DEPTOR: variants seen among roughly 807,000 people sequenced by gnomAD.
DEPTOR encodes the protein DEP domain containing MTOR interacting protein.
In DEPTOR, 41 loss-of-function variants were observed where a neutral mutation model predicts 41.6. That is an observed-to-expected ratio of 0.98 (90% CI 0.77 to 1.28). The LOEUF is 1.28. Ranked by LOEUF, DEPTOR falls within the 50% of genes most tolerant of loss-of-function variation. DEPTOR has a pLI of 0.00. For missense variants in DEPTOR, 514 were observed against 527.9 expected (o/e 0.97, Z 0.26); for synonymous variants, 195 against 192.3 (o/e 1.01, Z -0.12).
chr8:120,019,919 C>G (rs1316975063), intron 8 of DEPTOR, among the ~76,000 whole-genome samples: 1 of 152,082 alleles, frequency 6.6e-6, no homozygotes, highest in Non-Finnish European at 1.5e-5. Flanking sequence ...AAGTCACTGC[C>G]ACACTGCTCG....
intron 8 of DEPTOR, among the ~76,000 whole-genome samples, chr8:120,012,525 CTTTGTT>C (rs909016375): frequency 1.3e-5 from 2 of 151,746 alleles, no homozygotes; most frequent in East Asian, 1.9e-4. Flanking sequence ...TTAAAGCATT[CTTTGTT>C]TTTGTTTTTG....
intron 1 of DEPTOR, among the ~76,000 whole-genome samples, chr8:119,889,657 AGG>A (rs1827425198): frequency 1.5e-4 from 2 of 13,244 alleles, no homozygotes; most frequent in Non-Finnish European, 2.9e-4. Flanking sequence ...GAGGATGGGG[AGG>A]GGAGGGGAGG....
intron 1 of DEPTOR, among the ~76,000 whole-genome samples, chr8:119,887,142 C>G (rs1586598542): frequency 1.5e-5 from 1 of 68,118 alleles, no homozygotes; most frequent in Non-Finnish European, 3.0e-5. Context: ...CCCCCCTCCC[C>G]TCCTCCCCTC....
chr8:119,990,137 A>G (rs1331114140), intron 4 of DEPTOR, among the ~76,000 whole-genome samples: 1 of 152,088 alleles, frequency 6.6e-6, no homozygotes, highest in African/African-American at 2.4e-5. Context: ...TTTGGAATGT[A>G]CCCAGCTATT....
At chr8:120,000,805 T>C (rs1462540598) in intron 4 of DEPTOR, among the ~76,000 whole-genome samples, 2 of 150,834 alleles carry the variant, frequency 1.3e-5, no homozygotes, top group African/African-American at 2.4e-5. Context: ...GGGCTGGGTG[T>C]GGTGGCTCAC....
chr8:119,940,937 G>A (rs889777399), intron 3 of DEPTOR, among the ~76,000 whole-genome samples: 10 of 152,220 alleles, frequency 6.6e-5, no homozygotes, highest in Non-Finnish European at 1.0e-4. Context: ...GTGGTTGCTA[G>A]GAGCAGGGGA....
intron 8 of DEPTOR, among the ~76,000 whole-genome samples, chr8:120,041,354 T>C (rs1813066360): frequency 6.6e-6 from 1 of 152,154 alleles, no homozygotes; most frequent in South Asian, 2.1e-4. Flanking sequence ...TTATCGTACA[T>C]CTGCCAGGAC....
chr8:120,000,315 C>G (rs958179206), intron 4 of DEPTOR, among the ~76,000 whole-genome samples: 1 of 152,118 alleles, frequency 6.6e-6, no homozygotes, highest in Admixed American at 6.5e-5. Context: ...CCCAAGGCCC[C>G]CCTCCAGCCC....
intron 8 of DEPTOR, among the ~76,000 whole-genome samples, chr8:120,041,070 C>G (rs535425021): frequency 6.6e-6 from 1 of 152,268 alleles, no homozygotes; most frequent in Admixed American, 6.5e-5. Flanking sequence ...TCAGAAGCAG[C>G]CTTCCCCTTC....
chr8:120,037,695 C>G (rs1812999637), intron 8 of DEPTOR, among the ~76,000 whole-genome samples: 1 of 152,118 alleles, frequency 6.6e-6, no homozygotes, highest in Admixed American at 6.6e-5. Flanking sequence ...AGAGAACTTC[C>G]TCCTTCTCCT....
At chr8:119,875,945 A>G (rs1015649398) in intron 1 of DEPTOR, among the ~76,000 whole-genome samples, 1 of 152,226 alleles carries the variant, frequency 6.6e-6, no homozygotes, top group African/African-American at 2.4e-5. Flanking sequence ...CAGGCGAGTG[A>G]TAACAGGCTT....
chr8:119,876,500 T>C (rs1827232593), intron 1 of DEPTOR, among the ~76,000 whole-genome samples: 1 of 151,886 alleles, frequency 6.6e-6, no homozygotes, highest in Admixed American at 6.6e-5. Flanking sequence ...TAGCCGGGTG[T>C]GGTGGTGCAT....
intron 8 of DEPTOR, among the ~76,000 whole-genome samples, chr8:120,024,795 T>A (rs1313490699): frequency 6.6e-6 from 1 of 152,090 alleles, no homozygotes; most frequent in Non-Finnish European, 1.5e-5. Context: ...CAAAAAAAAA[T>A]TTCTGTTTTT....
chr8:120,014,626 C>T (rs1484351803), intron 8 of DEPTOR, among the ~76,000 whole-genome samples: 1 of 151,942 alleles, frequency 6.6e-6, no homozygotes. Context: ...CTCCCGGGTT[C>T]AAGCGATTCT....
chr8:119,880,299 A>G (rs13439791), intron 1 of DEPTOR, among the ~76,000 whole-genome samples: 7,600 of 152,222 alleles, frequency 0.05, 299 homozygotes, highest in South Asian at 0.17. Context: ...TAAGCACTTT[A>G]TGTATGGTAA....
At chr8:119,921,748 G>GTTTTTTTTTTTT (rs1282897659) in intron 1 of DEPTOR, among the ~76,000 whole-genome samples, 3 of 131,134 alleles carry the variant, frequency 2.3e-5, no homozygotes, top group African/African-American at 6.0e-5. Context: ...CTATTCTGTA[G>GTTTTTTTTTTTT]TTTTTTTTTT....
chr8:120,002,885 G>C, intron 5 of DEPTOR, 92 bp from the exon 6 acceptor site: 2 of 1,421,198 alleles, frequency 1.4e-6, no homozygotes, highest in Non-Finnish European at 1.9e-6. Flanking sequence ...GCTTTCTCCT[G>C]GCCCCTCTGG....
At chr8:120,003,204 G>A (rs1262494170) in intron 6 of DEPTOR, 93 bp downstream of exon 6, 4 of 1,550,362 alleles carry the variant, frequency 2.6e-6, no homozygotes, top group African/African-American at 1.4e-5. Flanking sequence ...AGACTAGTGT[G>A]TGGGTTCTAA....
chr8:120,025,406 A>G (rs1812782462), intron 8 of DEPTOR, among the ~76,000 whole-genome samples: 1 of 151,970 alleles, frequency 6.6e-6, no homozygotes, highest in Non-Finnish European at 1.5e-5. Flanking sequence ...CATTCTAGTT[A>G]CAGCTTATGG....
Sources: allele counts gnomAD v4.1 joint callset (sites outside exome capture counted in the v4.1 genomes callset), GRCh38; gene constraint gnomAD v4.1.1; transcripts MANE v1.5; gene names NCBI Gene and HGNC (gene_info 2026-07-23, HGNC 2026-07-21).